The following ARMCX4 variants were observed in gnomAD, a reference collection of about 807,000 sequenced individuals.
ARMCX4 encodes the protein armadillo repeat containing X-linked 4, also known as armadillo repeat-containing X-linked protein 4.
A neutral mutation model predicts 34.7 loss-of-function variants in ARMCX4; 3 were observed. The observed-to-expected ratio is 0.09, with a 90% CI of 0.04 to 0.22. ARMCX4 has a LOEUF of 0.22. ARMCX4 is among the 10% of genes least tolerant of loss of function. The pLI is 1.00. For missense variants in ARMCX4, 1,448 were observed against 1,720.8 expected (o/e 0.84, Z 2.81); for synonymous variants, 513 against 632.8 (o/e 0.81, Z 2.84).
intron 2 of ARMCX4, among the ~76,000 whole-genome samples, chrX:101,432,924 GTA>G (rs201453649): frequency 0.025 from 2,019 of 81,196 alleles, 63 homozygotes; most frequent in Middle Eastern, 0.05. Flanking sequence ...GTATACATAC[GTA>G]TATATATACG....
chrX:101,467,250 C>T (rs1313257375), intron 4 of ARMCX4, among the ~76,000 whole-genome samples: 6 of 111,671 alleles, frequency 5.4e-5, no homozygotes, highest in East Asian at 2.8e-4. Flanking sequence ...CTCAGGTTCA[C>T]GTGATTCTCG....
intron 2 of ARMCX4, among the ~76,000 whole-genome samples, chrX:101,433,547 C>CAGA (rs1429876925): frequency 7.2e-5 from 8 of 111,805 alleles, no homozygotes; most frequent in Non-Finnish European, 1.5e-4. Context: ...TCTGTCACAT[C>CAGA]TGTTTCCTCA....
At position 101,493,406 on chromosome X, in the gene ARMCX4, G is replaced by A. The variant is rs1023815836; in HGVS notation, c.4817G>A (p.Ser1606Asn). 3.5e-6 allele frequency: 4 copies of A among 1,154,859 alleles called. No individual in the cohort carries two copies. The highest frequency in any genetic ancestry group is 4.6e-6 in the Non-Finnish European group (4 of 872,543). Residue 1606 changes from serine (S) to asparagine (N), a missense_variant, in exon 6 of 6, where the codon AGT becomes AAT. By Grantham distance (46) the Ser-to-Asn change is conservative. Coordinates refer to ENST00000423738, the MANE Select transcript of ARMCX4 (RefSeq NM_001256155.3). ...AGGCCAGGGTCTGAGGATCAGTCCA[G>A]TGGAATAGGTTCCTGGGGTGTGGCT... ...GSRPGSEDQS[S>N]GIGSWGVAGG...
intron 2 of ARMCX4, among the ~76,000 whole-genome samples, chrX:101,441,365 C>CA (rs1391170571): frequency 1.8e-5 from 2 of 110,649 alleles, no homozygotes; most frequent in Non-Finnish European, 3.8e-5. Context: ...CCTCTTACTT[C>CA]ACCATGATGG....
chrX:101,484,581 G>A (rs189406722), upstream of ARMCX4, among the ~76,000 whole-genome samples: 272 of 112,160 alleles, frequency 2.4e-3, no homozygotes, highest in Admixed American at 4.3e-3. Context: ...AAGATGCTGA[G>A]TTCAGCCAGA....
rs1224799204 is a variant in ARMCX4, at chrX:101,474,433, G to A, written c.-472-11590G>A. ...GAAACTATTTCAATCAATAGAAAAA[G>A]AGGGAATCCTCCCTAACTCATTTTA... is the stretch of plus-strand genomic sequence containing the variant. On this transcript the variant is annotated intron_variant and NMD_transcript_variant, in intron 4 of 15. Transcript: ENST00000433011. 1.6e-3 allele frequency among the ~76,000 whole-genome samples: 178 copies of A among 108,662 alleles called. 1 individual carries two copies. Among genetic ancestry groups the A allele is most frequent in the Non-Finnish European group, 2.1e-3 (108 of 52,378 alleles). The allele number at this position is 108,662 out of a possible 115,157, so 94.4% of individuals were successfully genotyped here.
chrX:101,432,533 C>T (rs376441134), intron 2 of ARMCX4, among the ~76,000 whole-genome samples: 61 of 109,246 alleles, frequency 5.6e-4, no homozygotes, highest in East Asian at 2.6e-3. Context: ...TGGTAGTGCT[C>T]GCCTGTAGTC....
Position 101,492,871 on chromosome X carries a change from A to G in ARMCX4, c.4282A>G (p.Asn1428Asp), listed in dbSNP as rs782476008. ...EDQSSGRSWA[N>D]SGDQISGGFL... is the part of the protein sequence containing the mutation. Reference sequence around the variant, plus strand: ...CCAGTCCAGTGGAAGGTCATGGGCTAACTCTGGGGACCAAATCAGTGGAGG... The same window carrying G: ...CCAGTCCAGTGGAAGGTCATGGGCTGACTCTGGGGACCAAATCAGTGGAGG... The change falls in exon 6 of 6, where the codon AAC (asparagine) becomes GAC (aspartate). Residue 1428 changes from asparagine (N) to aspartate (D), a missense_variant. This residue lies in a region of ARMCX4 where 1,343 missense variants were observed against 1,540.7 expected (regional missense o/e 0.87). Transcript: ENST00000423738. 40 of 1,151,780 alleles carry G rather than the reference A, an allele frequency of 3.5e-5. No homozygotes were observed. The South Asian group carries it at 7.6e-4, about 22-fold the overall frequency. 94.9% of individuals were successfully genotyped at this position (1,151,780 alleles called of 1,213,427 possible).
intron 2 of ARMCX4, among the ~76,000 whole-genome samples, chrX:101,423,924 C>T (rs1287310672): frequency 1.8e-5 from 2 of 110,962 alleles, no homozygotes; most frequent in African/African-American, 3.3e-5. Context: ...AGTATAATGG[C>T]GTGATCTTGC....
At chrX:101,468,288 T>C (rs1256647620) in intron 4 of ARMCX4, among the ~76,000 whole-genome samples, 5 of 110,645 alleles carry the variant, frequency 4.5e-5, no homozygotes, top group African/African-American at 1.6e-4. Context: ...TATTTTTCTT[T>C]TCTTTTTTTT....
intron 7 of ARMCX4, among the ~76,000 whole-genome samples, chrX:101,501,055 G>C (rs180709738): frequency 2.7e-5 from 3 of 112,399 alleles, no homozygotes; most frequent in African/African-American, 9.7e-5. Context: ...CTCTCAAAGG[G>C]AAGGACAAAT....
downstream of ARMCX4, among the ~76,000 whole-genome samples, chrX:101,533,894 G>T (rs1935175256): frequency 9.0e-6 from 1 of 110,879 alleles, no homozygotes; most frequent in Non-Finnish European, 1.9e-5. Flanking sequence ...GAAAGGAAGG[G>T]GCAGGCAAGA....
chrX:101,509,659 C>G (rs933474805), exon 10 of ARMCX4: 4 of 111,269 alleles, frequency 3.6e-5, no homozygotes, highest in South Asian at 3.8e-4. Context: ...CCTTGGCCCC[C>G]CAAAGTGCTG....
At chrX:101,425,612 C>G (rs1166764729) in intron 2 of ARMCX4, among the ~76,000 whole-genome samples, 2 of 109,854 alleles carry the variant, frequency 1.8e-5, no homozygotes, top group African/African-American at 6.7e-5. Flanking sequence ...CCAGGCTGGT[C>G]TTGAACTCCT....
intron 4 of ARMCX4, among the ~76,000 whole-genome samples, chrX:101,464,879 G>T (rs1475022955): frequency 1.8e-5 from 2 of 111,770 alleles, no homozygotes; most frequent in African/African-American, 6.5e-5. Context: ...ACAGGCTTTG[G>T]AATCACAGAT....
At chrX:101,440,555 A>G (rs1046200185) in intron 2 of ARMCX4, among the ~76,000 whole-genome samples, 16 of 111,778 alleles carry the variant, frequency 1.4e-4, no homozygotes, top group Middle Eastern at 4.6e-3. Flanking sequence ...TTGTTTGGCT[A>G]TGTCCTGCCC....
At chrX:101,431,339 T>C (rs1929982433) in intron 2 of ARMCX4, among the ~76,000 whole-genome samples, 2 of 111,436 alleles carry the variant, frequency 1.8e-5, no homozygotes, top group African/African-American at 6.5e-5. Context: ...CAGACACATA[T>C]CACTATGACT....
chrX:101,432,849 T>TATATATATACAC (rs1930203395), intron 2 of ARMCX4, among the ~76,000 whole-genome samples: 2 of 98,886 alleles, frequency 2.0e-5, no homozygotes, highest in Non-Finnish European at 4.1e-5. Context: ...TATACATATG[T>TATATATATACAC]GTATATATAC....
intron 2 of ARMCX4, among the ~76,000 whole-genome samples, chrX:101,441,351 C>T (rs189902041): frequency 6.3e-5 from 7 of 110,762 alleles, no homozygotes; most frequent in East Asian, 2.9e-4. Flanking sequence ...TCCAAACCCA[C>T]GATCCTCTTA....
Sources: gnomAD v4.1 joint callset for allele counts (sites outside exome capture counted in the v4.1 genomes callset) on GRCh38, gnomAD v4.1.1 for gene constraint, gnomAD v4.1.1 regional missense constraint, MANE v1.5 for transcripts, NCBI Gene and HGNC (gene_info 2026-07-23, HGNC 2026-07-21) for gene names.